Variants in IREB2 observed in about 807,000 individuals in gnomAD.
IREB2 encodes the protein iron-responsive element-binding protein 2.
Under a neutral mutation model 118.8 loss-of-function variants are expected in IREB2, and 39 were observed. The ratio of observed to expected loss-of-function variants is 0.33; its 90% CI spans 0.25 to 0.43. The LOEUF (loss-of-function observed/expected upper bound fraction) is 0.43, where lower values mean the gene tolerates loss of function less well. IREB2 is among the 20% of genes least tolerant of loss of function. The probability of loss-of-function intolerance (pLI) is 1.00; values close to 1 mark genes in which losing one functional copy is unlikely to be tolerated. For missense variants in IREB2, 900 were observed against 1,147.3 expected, an observed-to-expected ratio of 0.78 and a Z score of 3.11; for synonymous variants, 372 against 392.2, an observed-to-expected ratio of 0.95 and a Z score of 0.61.
chr15:78,445,434 C>T (rs781371168), intron 2 of IREB2, among the ~76,000 whole-genome samples: 7 of 152,182 alleles, frequency 4.6e-5, no homozygotes, highest in Admixed American at 6.5e-5. Flanking sequence ...CCACTGCACC[C>T]GGTCTGGTTC....
Position 78,478,354 on chromosome 15 carries a change from T to G in IREB2, c.1253T>G (p.Phe418Cys). ...ACATACCTTAAAGCTGTGAAATTGT[T>G]TCGAAATGACCAGAATTCTTCAGGA... Reference protein sequence around the residue: ...METYLKAVKLFRNDQNSSGEP... With the variant: ...METYLKAVKLCRNDQNSSGEP... The change falls in exon 10 of 22, where the codon TTT (phenylalanine) becomes TGT (cysteine). Residue 418 changes from phenylalanine (F) to cysteine (C), a missense_variant. Phe to Cys is a radical substitution (Grantham distance 205, BLOSUM62 -2). Coordinates refer to ENST00000258886, the MANE Select transcript of IREB2 (RefSeq NM_004136.4). 1 of 1,613,622 alleles carries G rather than the reference T, an allele frequency of 6.2e-7. No individual in the cohort carries two copies. The highest frequency in any genetic ancestry group is 8.5e-7 in the Non-Finnish European group (1 of 1,179,564).
intron 2 of IREB2, among the ~76,000 whole-genome samples, chr15:78,456,684 A>G (rs1023984186): frequency 3.3e-5 from 5 of 151,666 alleles, no homozygotes; most frequent in African/African-American, 1.2e-4. Context: ...AAAAAAATAC[A>G]TTTGTGATTA....
chr15:78,458,235 T>C (rs1378634620), intron 2 of IREB2, among the ~76,000 whole-genome samples: 1 of 152,078 alleles, frequency 6.6e-6, no homozygotes, highest in African/African-American at 2.4e-5. Flanking sequence ...ATTTCAAACA[T>C]GAAAGTAGGG....
chr15:78,465,020 ATTATCTC>A (rs2051257870), intron 3 of IREB2, among the ~76,000 whole-genome samples: 1 of 152,188 alleles, frequency 6.6e-6, no homozygotes, highest in Non-Finnish European at 1.5e-5. Flanking sequence ...TGCCTCAAAA[ATTATCTC>A]TTATTATTTT....
At chr15:78,466,679 C>A (rs1331745342) in intron 5 of IREB2, among the ~76,000 whole-genome samples, 190 bp downstream of exon 5, 1 of 152,020 alleles carries the variant, frequency 6.6e-6, no homozygotes, top group Non-Finnish European at 1.5e-5. Context: ...CTCTAAGTAC[C>A]ATTCTCTCTT....
chr15:78,452,375 C>T (rs2051040176), intron 2 of IREB2, among the ~76,000 whole-genome samples: 1 of 152,016 alleles, frequency 6.6e-6, no homozygotes, highest in Non-Finnish European at 1.5e-5. Flanking sequence ...CCTCCTGAAT[C>T]GGGCATGTGG....
At chr15:78,473,534 A>C in intron 8 of IREB2, 153 bp downstream of exon 8, 2 of 613,964 alleles carry the variant, frequency 3.3e-6, no homozygotes, top group Non-Finnish European at 5.7e-6. Flanking sequence ...TAATAACAAC[A>C]AACAGAGCAT....
At chr15:78,438,584 C>T (rs2050792764) in intron 1 of IREB2, 3 of 565,346 alleles carry the variant, frequency 5.3e-6, no homozygotes, top group Admixed American at 3.1e-5. Context: ...GGGCGGGCCA[C>T]CCCACCGCTG....
Position 78,493,976 on chromosome 15 carries a change from A to G in IREB2, c.2392A>G (p.Thr798Ala). The G allele has an allele frequency of 2.5e-6, 4 of 1,614,054 alleles. No homozygotes were observed. Among genetic ancestry groups the G allele is most frequent in the Non-Finnish European group, 3.4e-6 (4 of 1,179,900 alleles). The change falls in exon 19 of 22, where the codon ACT (threonine) becomes GCT (alanine). Residue 798 changes from threonine to alanine, a missense_variant. By Grantham distance (58) the Thr-to-Ala change is moderately conservative. Coordinates refer to ENST00000258886, the MANE Select transcript of IREB2 (RefSeq NM_004136.4). ...TAATGATGCTGTAATGACAAGAGGCACTTTTGCAAATATCAAGCTTTTTAA... is the reference window on the plus strand; with the variant it reads ...TAATGATGCTGTAATGACAAGAGGCGCTTTTGCAAATATCAAGCTTTTTAA... ...RGNDAVMTRG[T>A]FANIKLFNKF...
At chr15:78,483,740 T>C (rs2051613691) in intron 11 of IREB2, among the ~76,000 whole-genome samples, 1 of 152,170 alleles carries the variant, frequency 6.6e-6, no homozygotes, top group Non-Finnish European at 1.5e-5. Context: ...GGGTCTTGTA[T>C]TGATGAACAG....
intron 1 of IREB2, among the ~76,000 whole-genome samples, chr15:78,439,180 AG>A (rs2050806151): frequency 6.6e-6 from 1 of 152,220 alleles, no homozygotes; most frequent in South Asian, 2.1e-4. Context: ...GTGCAAAACC[AG>A]AAGACTTGTC....
intron 6 of IREB2, 137 bp downstream of exon 6, chr15:78,470,738 A>T: frequency 2.2e-6 from 1 of 447,474 alleles, no homozygotes. Context: ...CCTGTTACCC[A>T]GGCTGGAGTC....
intron 2 of IREB2, among the ~76,000 whole-genome samples, chr15:78,441,221 G>C (rs921309499): frequency 3.3e-5 from 5 of 151,978 alleles, no homozygotes; most frequent in Non-Finnish European, 7.4e-5. Context: ...TTTAGAATTA[G>C]GCTGTCATTT....
intron 4 of IREB2, 36 bp downstream of exon 4, chr15:78,465,424 A>G: frequency 1.9e-6 from 3 of 1,570,360 alleles, no homozygotes; most frequent in Non-Finnish European, 1.7e-6. Flanking sequence ...CAGCCATGCA[A>G]GTTAATTGGC....
At chr15:78,490,810 T>C in intron 18 of IREB2, 49 bp downstream of exon 18, 1 of 1,550,180 alleles carries the variant, frequency 6.5e-7, no homozygotes, top group South Asian at 1.1e-5. Flanking sequence ...TGTTTCTTAC[T>C]GATTAAGAGG....
In IREB2 at chr15:78,485,848, ACAG is replaced by A. The variant is rs777695993; in HGVS notation, c.1709+10_1709+12del. The A allele has an allele frequency of 3.1e-6, 5 of 1,611,876 alleles. No homozygotes were observed. In the South Asian group the frequency reaches 4.4e-5, roughly 14 times the overall value. On this transcript the variant is annotated intron_variant, in intron 13 of 21. Coordinates refer to ENST00000258886, the MANE Select transcript of IREB2 (RefSeq NM_004136.4). Reference sequence around the variant, plus strand: ...ATATCTAAGTAAGCTTGGGTAAGTAACAGCTATCGCACTTCATATTGATATTGG... The same window carrying A: ...ATATCTAAGTAAGCTTGGGTAAGTAACTATCGCACTTCATATTGATATTGG...
chr15:78,497,921 G>T, intron 21 of IREB2, 112 bp from the exon 22 acceptor site: 1 of 605,756 alleles, frequency 1.7e-6, no homozygotes, highest in South Asian at 2.2e-5. Context: ...AGATAAATCA[G>T]ACAGAATCTG....
rs1365838021 is a variant in IREB2 at position 78,473,395 on chromosome 15, G to GACT, written c.1023+14_1023+15insACT. 1.2e-6 allele frequency: 2 copies of GACT among 1,608,862 alleles called. No homozygotes were observed. Among genetic ancestry groups the GACT allele is most frequent in the African/African-American group, 2.7e-5 (2 of 74,710 alleles). On this transcript the variant is annotated intron_variant, in intron 8 of 21. Coordinates refer to ENST00000258886, the MANE Select transcript of IREB2 (RefSeq NM_004136.4). Reference sequence around the variant, plus strand: ...GGTATTACAAAGGTAAGTTAAAGTTGTGGTAGCTCTATGACTTACTGAACA... The same window carrying GACT: ...GGTATTACAAAGGTAAGTTAAAGTTGACTTGGTAGCTCTATGACTTACTGAACA...
chr15:78,473,123 T>C, intron 7 of IREB2, 119 bp from the exon 8 acceptor site: 2 of 910,250 alleles, frequency 2.2e-6, no homozygotes, highest in Non-Finnish European at 3.4e-6. Context: ...AATAGCAATA[T>C]AGCAACTCTG....
Sources: gnomAD v4.1 joint callset for allele counts (sites outside exome capture counted in the v4.1 genomes callset) on GRCh38, gnomAD v4.1.1 for gene constraint, MANE v1.5 for transcripts, NCBI Gene and HGNC (gene_info 2026-07-23, HGNC 2026-07-21) for gene names.